Variants in TMEM156 observed in about 807,000 individuals in gnomAD.
The protein encoded by TMEM156 is transmembrane protein 156.
A neutral mutation model predicts 30.5 loss-of-function variants in TMEM156; 28 were observed. The ratio of observed to expected loss-of-function variants is 0.92; its 90% confidence interval spans 0.68 to 1.26. The LOEUF is 1.26. TMEM156 is among the 50% of genes most tolerant of loss of function. The probability of loss-of-function intolerance (pLI) is 0.00; values close to 1 mark genes in which losing one functional copy is unlikely to be tolerated. For missense variants in TMEM156, 351 were observed against 340.6 expected (o/e 1.03, Z -0.24); for synonymous variants, 137 against 119.9 (o/e 1.14, Z -0.93).
chr4:38,978,649 A>C (rs974526855), intron 5 of TMEM156, among the ~76,000 whole-genome samples: 1 of 152,202 alleles, frequency 6.6e-6, no homozygotes, highest in Non-Finnish European at 1.5e-5. Context: ...CGATCAGCAC[A>C]CAGACACACA....
At chr4:38,984,349 CTGTGTGTGTGTGTGTGTGTG>C (rs34823853) in intron 5 of TMEM156, among the ~76,000 whole-genome samples, 1 of 131,016 alleles carries the variant, frequency 7.6e-6, no homozygotes, top group Non-Finnish European at 1.7e-5. Flanking sequence ...CTCTCTCTCT[CTGTGTGTGTGTGTGTGTGTG>C]TGTGTGTGTG....
At chr4:38,977,993 C>T (rs1722958923) in intron 5 of TMEM156, among the ~76,000 whole-genome samples, 1 of 152,188 alleles carries the variant, frequency 6.6e-6, no homozygotes, top group South Asian at 2.1e-4. Context: ...TGGTATCTAA[C>T]CTCAACTCAT....
Position 38,969,544 on chromosome 4 carries a change from T to C in TMEM156, c.*38+1488A>G, listed in dbSNP as rs115454161. Reference sequence around the variant, plus strand: ...TAGTGCTACAATAAACATGTGAGTATAGGTATCCCTTTGCTATAGTGATTT... The same window carrying C: ...TAGTGCTACAATAAACATGTGAGTACAGGTATCCCTTTGCTATAGTGATTT... On this transcript the variant is annotated intron_variant, in intron 6 of 6. Coordinates refer to ENST00000381938, the MANE Select transcript of TMEM156 (RefSeq NM_024943.3). Among the ~76,000 whole-genome samples the C allele has an allele frequency of 1.4e-3, 216 of 152,324 alleles. 1 individual carries two copies. Among genetic ancestry groups the C allele is most frequent in the African/African-American group, 4.7e-3 (197 of 41,570 alleles).
intron 5 of TMEM156, among the ~76,000 whole-genome samples, chr4:38,977,323 T>C (rs1577508590): frequency 6.6e-6 from 1 of 152,210 alleles, no homozygotes; most frequent in African/African-American, 2.4e-5. Flanking sequence ...GTTTGGCTGG[T>C]GTTTGCTGGT....
At chr4:38,978,265 T>C (rs1272281770) in intron 5 of TMEM156, among the ~76,000 whole-genome samples, 1 of 145,956 alleles carries the variant, frequency 6.9e-6, no homozygotes, top group African/African-American at 2.6e-5. Flanking sequence ...AAAAGTAACT[T>C]TTAAAAAAAT....
At chr4:38,977,753 A>T (rs182797396) in intron 5 of TMEM156, among the ~76,000 whole-genome samples, 18 of 152,300 alleles carry the variant, frequency 1.2e-4, no homozygotes, top group Admixed American at 3.3e-4. Flanking sequence ...CCTTAAAAAA[A>T]TTTTTTTAAA....
chr4:39,019,291 G>A (rs1252098114), intron 1 of TMEM156, among the ~76,000 whole-genome samples: 1 of 152,068 alleles, frequency 6.6e-6, no homozygotes, highest in Non-Finnish European at 1.5e-5. Context: ...AATTTCTTTA[G>A]ATCTCTATTC....
intron 5 of TMEM156, among the ~76,000 whole-genome samples, chr4:38,976,023 A>T (rs990001123): frequency 3.3e-5 from 5 of 151,950 alleles, no homozygotes; most frequent in African/African-American, 1.2e-4. Context: ...GCAGTGGCTC[A>T]CGACTGTAAT....
rs551347124 is a variant in TMEM156 at position 39,006,097 on chromosome 4, T to TA, written c.89-7189dup. ...TTTTAATAGAGATGAAGTTTCACAA[T>TA]ATTGGCCAGGCTGGTCTCAAACTCC... On this transcript the variant is annotated intron_variant, in intron 1 of 6. Transcript: ENST00000381938. Among the ~76,000 whole-genome samples the TA allele has an allele frequency of 1.9e-3, 289 of 152,274 alleles. 1 individual carries two copies. The highest frequency in any genetic ancestry group is 6.8e-3 in the African/African-American group (282 of 41,546).
chr4:39,025,481 A>G (rs1017261496), intron 1 of TMEM156, among the ~76,000 whole-genome samples: 1 of 152,160 alleles, frequency 6.6e-6, no homozygotes, highest in Non-Finnish European at 1.5e-5. Context: ...GAAAAGAGGG[A>G]AAAACATATC....
intron 3 of TMEM156, among the ~76,000 whole-genome samples, chr4:38,990,842 T>TG (rs1560365395): frequency 1.7e-4 from 23 of 132,924 alleles, no homozygotes; most frequent in Non-Finnish European, 2.8e-4. Context: ...TTTTTTTTTT[T>TG]TTTTTTTTTT....
chr4:38,985,863 T>C lies in TMEM156; in HGVS notation c.823+473A>G, dbSNP rs147961387. ...TAACAGCCCCCATCACTGCTCTAAT[T>C]AGAATTCCCTTATTCCATTTCTGTT... On this transcript the variant is annotated intron_variant, in intron 5 of 6. Transcript: ENST00000381938. Among the ~76,000 whole-genome samples, 273 of 152,344 alleles carry C rather than the reference T, an allele frequency of 1.8e-3. 2 individuals are homozygous for C. The highest frequency in any genetic ancestry group is 6.3e-3 in the African/African-American group (262 of 41,584).
At chr4:38,989,768 TTTTTA>T (rs55758647) in intron 3 of TMEM156, among the ~76,000 whole-genome samples, 18,084 of 151,822 alleles carry the variant, frequency 0.12, 1,252 homozygotes, top group East Asian at 0.2. Flanking sequence ...ACTGACTCAT[TTTTTA>T]TTTTATTTTA....
chr4:38,973,423 T>C (rs1295671352), intron 5 of TMEM156, among the ~76,000 whole-genome samples: 1 of 152,196 alleles, frequency 6.6e-6, no homozygotes, highest in South Asian at 2.1e-4. Context: ...AGAAAGATCT[T>C]GCAAATTTCT....
rs528764021 is a variant in TMEM156 at position 38,979,733 on chromosome 4, A to C, written c.823+6603T>G. Among the ~76,000 whole-genome samples, 7 of 152,348 alleles carry C rather than the reference A, an allele frequency of 4.6e-5. No homozygotes were observed. The South Asian group carries it at 1.5e-3, about 32-fold the overall frequency. ...ATCCATGAAGTATTTGGGTTTCCTC[A>C]CAAGAGCTTCTCCAAAAATGAAGGA... On this transcript the variant is annotated intron_variant, in intron 5 of 6. Coordinates refer to ENST00000381938, the MANE Select transcript of TMEM156 (RefSeq NM_024943.3).
At chr4:39,011,043 T>C (rs991544449) in intron 1 of TMEM156, among the ~76,000 whole-genome samples, 1 of 151,978 alleles carries the variant, frequency 6.6e-6, no homozygotes, top group African/African-American at 2.4e-5. Flanking sequence ...ACAAAATCTA[T>C]AAGGAACTGA....
In TMEM156 at chr4:39,032,390, G is replaced by T; in HGVS notation, c.-77C>A. On this transcript the variant is annotated 5_prime_UTR_variant, in exon 1 of 7. Coordinates refer to ENST00000381938, the MANE Select transcript of TMEM156 (RefSeq NM_024943.3). ...TGCTTCCTGCTTTAAGTTTATCTCT[G>T]CAGCACTTTAGGTTAATGCAGTTCA... 3 of 857,770 alleles carry T rather than the reference G, an allele frequency of 3.5e-6. No homozygotes were observed. Among genetic ancestry groups the T allele is most frequent in the African/African-American group, 1.7e-5 (1 of 58,958 alleles). 53.1% of individuals were successfully genotyped at this position (857,770 alleles called of 1,614,324 possible).
chr4:39,011,944 T>C (rs747529569), intron 1 of TMEM156, among the ~76,000 whole-genome samples: 6 of 152,134 alleles, frequency 3.9e-5, no homozygotes, highest in Non-Finnish European at 8.8e-5. Flanking sequence ...ATGTTCTCAT[T>C]TATAAGTGGT....
intron 1 of TMEM156, among the ~76,000 whole-genome samples, chr4:39,018,096 A>G (rs1714619679): frequency 6.6e-6 from 1 of 151,004 alleles, no homozygotes; most frequent in Non-Finnish European, 1.5e-5. Flanking sequence ...TGATTCAGTG[A>G]TTTTTTTTTC....
Sources: gnomAD v4.1 joint callset for allele counts (sites outside exome capture counted in the v4.1 genomes callset) on GRCh38, gnomAD v4.1.1 for gene constraint, MANE v1.5 for transcripts, NCBI Gene and HGNC (gene_info 2026-07-23, HGNC 2026-07-21) for gene names.